Variants in BBX observed in about 807,000 individuals in gnomAD.
The protein encoded by BBX is HMG box transcription factor BBX.
In BBX, 30 loss-of-function variants were observed where a neutral mutation model predicts 100.2. The observed-to-expected ratio is 0.30, with a 90% CI of 0.22 to 0.41. BBX has a LOEUF of 0.41. Among genes scored for constraint, BBX ranks in the 10% least tolerant of loss-of-function variants. The probability of loss-of-function intolerance (pLI) is 1.00; values close to 1 mark genes in which losing one functional copy is unlikely to be tolerated. For synonymous variants in BBX, 376 were observed against 388.1 expected (o/e 0.97, Z 0.37); for missense variants, 1,023 against 1,129.8 (o/e 0.91, Z 1.35).
At chr3:107,559,342 G>A (rs1220969165) in intron 2 of BBX, among the ~76,000 whole-genome samples, 1 of 152,214 alleles carries the variant, frequency 6.6e-6, no homozygotes, top group African/African-American at 2.4e-5. Flanking sequence ...CCTGCTCTCA[G>A]CTGAGGCAAT....
intron 2 of BBX, among the ~76,000 whole-genome samples, chr3:107,644,361 A>G (rs1004649990): frequency 3.9e-5 from 6 of 152,098 alleles, no homozygotes; most frequent in Non-Finnish European, 5.9e-5. Flanking sequence ...AGTACAAATT[A>G]TATATATTTT....
At chr3:107,775,709 T>C (rs1014510127) in intron 12 of BBX, among the ~76,000 whole-genome samples, 5 of 152,180 alleles carry the variant, frequency 3.3e-5, no homozygotes, top group African/African-American at 1.2e-4. Context: ...TTATTCATAA[T>C]ATTTGCATAT....
At chr3:107,739,071 T>C (rs2063872273) in intron 7 of BBX, among the ~76,000 whole-genome samples, 1 of 152,200 alleles carries the variant, frequency 6.6e-6, no homozygotes, top group South Asian at 2.1e-4. Flanking sequence ...ACATCTTAAA[T>C]GCTGAGTTTT....
rs1349466819 is a variant in BBX at position 107,583,986 on chromosome 3, ATATATTAT to A, written c.-84+57602_-84+57609del. The stretch of plus-strand genomic sequence containing the variant: ...ATATTATATATATTATTATATTATT[ATATATTAT>A]TATATTATTATATATATTATACATA... On this transcript the variant is annotated intron_variant, in intron 2 of 17. Transcript: ENST00000325805. Among the ~76,000 whole-genome samples, 37 of 87,194 alleles carry A rather than the reference ATATATTAT, an allele frequency of 4.2e-4. 1 individual carries two copies. The highest frequency in any genetic ancestry group is 6.8e-4 in the Non-Finnish European group (33 of 48,426). 57.2% of individuals were successfully genotyped at this position (87,194 alleles called of 152,430 possible).
chr3:107,632,364 C>T (rs905811340), intron 2 of BBX, among the ~76,000 whole-genome samples: 2 of 152,072 alleles, frequency 1.3e-5, no homozygotes, highest in African/African-American at 2.4e-5. Context: ...GGATTACAGG[C>T]GTGAGCTACC....
intron 7 of BBX, among the ~76,000 whole-genome samples, chr3:107,734,286 T>C (rs73850142): frequency 6.6e-6 from 1 of 152,212 alleles, no homozygotes; most frequent in African/African-American, 2.4e-5. Context: ...GTTCACTTCA[T>C]TGTAGCAAGA....
rs549759768 is a variant in BBX at position 107,678,111 on chromosome 3, A to G, written c.-10+32202A>G. Among the ~76,000 whole-genome samples the G allele has an allele frequency of 3.9e-5, 6 of 152,168 alleles. No homozygotes were observed. The East Asian group carries it at 7.7e-4, about 20-fold the overall frequency. ...TAAAGGAATCAGGCTCTTATATTCT[A>G]TGCAACCTTTTTTCCCACTTATCTT... On this transcript the variant is annotated intron_variant, in intron 3 of 17. Transcript: ENST00000325805.
intron 2 of BBX, among the ~76,000 whole-genome samples, chr3:107,613,376 G>A (rs1021435353): frequency 1.1e-4 from 16 of 147,838 alleles, no homozygotes; most frequent in African/African-American, 2.8e-4. Flanking sequence ...CTTTTATCTC[G>A]TATCCTAAAA....
chr3:107,729,059 A>G, intron 6 of BBX, 99 bp downstream of exon 6: 2 of 1,227,268 alleles, frequency 1.6e-6, no homozygotes, highest in Non-Finnish European at 2.3e-6. Flanking sequence ...AAAATTTATA[A>G]CCAATATTAA....
intron 10 of BBX, among the ~76,000 whole-genome samples, chr3:107,769,169 CATAG>C (rs61134656): frequency 0.063 from 8,291 of 132,248 alleles, 635 homozygotes; most frequent in African/African-American, 0.17. Context: ...CTCTATCATT[CATAG>C]ATAGATAGAT....
chr3:107,706,107 C>CT (rs2061382623), intron 3 of BBX, among the ~76,000 whole-genome samples: 1 of 149,772 alleles, frequency 6.7e-6, no homozygotes. Context: ...ACTACAACCT[C>CT]TGTCTCCTGG....
intron 2 of BBX, among the ~76,000 whole-genome samples, chr3:107,614,108 C>T (rs1032305958): frequency 2.2e-4 from 33 of 151,918 alleles, no homozygotes; most frequent in Non-Finnish European, 1.0e-4. Context: ...CACACCACCA[C>T]GACCAGCTAA....
intron 2 of BBX, among the ~76,000 whole-genome samples, chr3:107,604,300 A>C (rs535899683): frequency 6.6e-5 from 10 of 151,726 alleles, no homozygotes; most frequent in African/African-American, 2.4e-4. Flanking sequence ...TTAGGTCGGA[A>C]CTCTTCTGTC....
intron 10 of BBX, among the ~76,000 whole-genome samples, chr3:107,768,796 A>G (rs1312872203): frequency 6.6e-6 from 1 of 150,886 alleles, no homozygotes; most frequent in African/African-American, 2.4e-5. Flanking sequence ...ATTCCTATCA[A>G]CTGACAAGTA....
intron 10 of BBX, among the ~76,000 whole-genome samples, chr3:107,755,895 A>G (rs924802095): frequency 6.6e-5 from 10 of 152,196 alleles, no homozygotes; most frequent in African/African-American, 2.4e-4. Flanking sequence ...AGATATTGCA[A>G]AATTTTTTTC....
chr3:107,566,676 T>C (rs1211132080), intron 2 of BBX, among the ~76,000 whole-genome samples: 1 of 152,024 alleles, frequency 6.6e-6, no homozygotes, highest in Non-Finnish European at 1.5e-5. Flanking sequence ...TATATTTTGT[T>C]AGCAAACTGT....
intron 2 of BBX, among the ~76,000 whole-genome samples, chr3:107,577,804 G>T (rs907434372): frequency 6.6e-5 from 10 of 152,112 alleles, no homozygotes; most frequent in African/African-American, 2.4e-4. Flanking sequence ...CCCCATAAGT[G>T]CTTAGTGACT....
intron 3 of BBX, among the ~76,000 whole-genome samples, chr3:107,698,541 A>G (rs1335476451): frequency 6.6e-6 from 1 of 151,332 alleles, no homozygotes; most frequent in Non-Finnish European, 1.5e-5. Flanking sequence ...AGTCCCAGAA[A>G]CTTAGGAGGC....
At chr3:107,630,325 T>G (rs2056466607) in intron 2 of BBX, among the ~76,000 whole-genome samples, 1 of 152,210 alleles carries the variant, frequency 6.6e-6, no homozygotes. Flanking sequence ...TCCTACAGAT[T>G]GTGAGTAGTT....
Sources: gnomAD v4.1 joint callset for allele counts (sites outside exome capture counted in the v4.1 genomes callset) on GRCh38, gnomAD v4.1.1 for gene constraint, MANE v1.5 for transcripts, NCBI Gene and HGNC (gene_info 2026-07-23, HGNC 2026-07-21) for gene names.